G3BP2: variants seen among roughly 807,000 people sequenced by gnomAD.
The protein encoded by G3BP2 is ras GTPase-activating protein-binding protein 2.
G3BP2 carries 11 observed loss-of-function variants against 56.7 expected under a neutral mutation model. That is an observed-to-expected ratio of 0.19 (90% CI 0.12 to 0.32). The LOEUF is 0.32. Among genes scored for constraint, G3BP2 ranks in the 10% least tolerant of loss-of-function variants. The probability of loss-of-function intolerance (pLI) is 1.00; values close to 1 mark genes in which losing one functional copy is unlikely to be tolerated. For missense variants in G3BP2, 340 were observed against 610.9 expected, an observed-to-expected ratio of 0.56 and a Z score of 4.67; for synonymous variants, 165 against 191.6, an observed-to-expected ratio of 0.86 and a Z score of 1.15.
At chr4:75,650,590 TC>T (rs1731618465) in intron 8 of G3BP2, among the ~76,000 whole-genome samples, 2 of 152,210 alleles carry the variant, frequency 1.3e-5, no homozygotes, top group Non-Finnish European at 2.9e-5. Context: ...CCTATTTCCC[TC>T]AAGATGAAGT....
chr4:75,655,991 T>TAGAAA, intron 5 of G3BP2, 121 bp from the exon 6 acceptor site: 1 of 597,048 alleles, frequency 1.7e-6, no homozygotes, highest in East Asian at 2.8e-5. Context: ...CAATTTTCTT[T>TAGAAA]CCTTTTTTTT....
At position 75,648,361 on chromosome 4, in the gene G3BP2, CAAACAAAAAAAAA is replaced by C. The variant is rs1731397768; in HGVS notation, c.928+265_928+277del. On this transcript the variant is annotated intron_variant, in intron 9 of 11. Transcript: ENST00000359707. ...GACTCCGTCTCAAAAAAAAAACAAA[CAAACAAAAAAAAA>C]AAACAAAAAACCGTGACAATAACCA... Among the ~76,000 whole-genome samples, 2 of 31,572 alleles carry C rather than the reference CAAACAAAAAAAAA, an allele frequency of 6.3e-5. 1 individual carries two copies. Among genetic ancestry groups the C allele is most frequent in the Non-Finnish European group, 1.4e-4 (2 of 14,508 alleles). The allele number at this position is 31,572 out of a possible 152,430, so 20.7% of individuals were successfully genotyped here. A position where few individuals can be genotyped will look rare whatever the true frequency, so the allele number is the denominator to read the frequency against.
Position 75,702,617 on chromosome 4 carries a change from G to A in G3BP2, c.-25+18260C>T, listed in dbSNP as rs561309584. ...TTAAAGGAACAGTTTTTCTATACAGGTGCAACTATAGAAGCAAGCATTATG... is the reference window on the plus strand; with the variant it reads ...TTAAAGGAACAGTTTTTCTATACAGATGCAACTATAGAAGCAAGCATTATG... On this transcript the variant is annotated intron_variant, in intron 3 of 3. Coordinates refer to the G3BP2 transcript ENST00000499709. Among the ~76,000 whole-genome samples the A allele has an allele frequency of 2.4e-4, 36 of 152,304 alleles. No individual in the cohort carries two copies. The South Asian group carries it at 6.8e-3, about 29-fold the overall frequency.
At chr4:75,648,908 C>T (rs1177339667) in intron 8 of G3BP2, 167 bp from the exon 9 acceptor site, 1 of 518,070 alleles carries the variant, frequency 1.9e-6, no homozygotes, top group Non-Finnish European at 3.5e-6. Context: ...TCAAGATATT[C>T]TGTACCAATC....
chr4:75,690,587 A>G (rs748352788), intron 3 of G3BP2, among the ~76,000 whole-genome samples: 14 of 152,028 alleles, frequency 9.2e-5, no homozygotes, highest in Admixed American at 4.6e-4. Context: ...TGAAGTGACA[A>G]AAGTGTTCTT....
At chr4:75,674,316 C>G (rs763006045), upstream of G3BP2, among the ~76,000 whole-genome samples, 2 of 152,130 alleles carry the variant, frequency 1.3e-5, no homozygotes, top group African/African-American at 4.8e-5. Context: ...TGAATGCTTA[C>G]GAACTAAACA....
chr4:75,665,200 G>A (rs1223840870), intron 1 of G3BP2, among the ~76,000 whole-genome samples: 2 of 152,038 alleles, frequency 1.3e-5, no homozygotes, highest in Non-Finnish European at 2.9e-5. Flanking sequence ...ATGTTTTTAG[G>A]TTCCTTGTTT....
chr4:75,719,357 A>T (rs1720057496), intron 3 of G3BP2, among the ~76,000 whole-genome samples: 1 of 151,708 alleles, frequency 6.6e-6, no homozygotes, highest in African/African-American at 2.4e-5. Flanking sequence ...CAAAAAAAAA[A>T]AAAAAAAAAA....
At chr4:75,719,797 C>G (rs1453986480) in intron 3 of G3BP2, among the ~76,000 whole-genome samples, 2 of 151,922 alleles carry the variant, frequency 1.3e-5, no homozygotes, top group African/African-American at 2.4e-5. Context: ...CCATGTTGGT[C>G]AGGCTGGTCT....
Position 75,672,852 on chromosome 4 carries a change from C to CTGTA in G3BP2, c.-25+352_-25+355dup, listed in dbSNP as rs375364170. 136 of 209,516 alleles carry CTGTA rather than the reference C, an allele frequency of 6.5e-4. 2 individuals carry two copies. Among genetic ancestry groups the CTGTA allele is most frequent in the African/African-American group, 3.0e-3 (128 of 42,626 alleles). The allele number at this position is 209,516 out of a possible 1,614,324, so 13.0% of individuals were successfully genotyped here. On this transcript the variant is annotated intron_variant, in intron 1 of 11. Coordinates refer to ENST00000359707, the MANE Select transcript of G3BP2 (RefSeq NM_203505.3). ...TCCAGAAAGCCTGCTCCCACACTTC[C>CTGTA]TGTATTAAGCTTCCATCAGCGCGCC...
chr4:75,684,636 C>A (rs540799358), intron 3 of G3BP2, among the ~76,000 whole-genome samples: 12 of 152,176 alleles, frequency 7.9e-5, no homozygotes, highest in African/African-American at 2.9e-4. Flanking sequence ...GCCTCAAACT[C>A]CTCGGTTCAG....
intron 1 of G3BP2, among the ~76,000 whole-genome samples, chr4:75,664,453 G>A (rs1478216348): frequency 1.3e-5 from 2 of 151,726 alleles, no homozygotes; most frequent in African/African-American, 2.4e-5. Context: ...GCTGGCGCCT[G>A]TAGTCCCAGC....
Position 75,718,901 on chromosome 4 carries a change from G to A in G3BP2, c.-25+1976C>T, listed in dbSNP as rs180740810. Among the ~76,000 whole-genome samples, 897 of 152,240 alleles carry A rather than the reference G, an allele frequency of 5.9e-3. 15 individuals carry two copies. Among genetic ancestry groups the A allele is most frequent in the African/African-American group, 0.02 (851 of 41,540 alleles). ...GAGAAAAAAAAACAAAAACAGTTAA[G>A]GAGAGCAGAGTCCAGAAATAGTGAA... On this transcript the variant is annotated intron_variant, in intron 3 of 3. Coordinates refer to the G3BP2 transcript ENST00000499709.
At chr4:75,712,459 T>TC (rs1255046700) in intron 3 of G3BP2, among the ~76,000 whole-genome samples, 1 of 152,198 alleles carries the variant, frequency 6.6e-6, no homozygotes. Context: ...TTTCATGTTT[T>TC]TCACATTGAT....
chr4:75,654,803 T>C, intron 7 of G3BP2: 2 of 390,272 alleles, frequency 5.1e-6, no homozygotes. Context: ...TATACATGGA[T>C]CCAAATAATT....
At chr4:75,688,078 TCC>T (rs1329292762) in intron 3 of G3BP2, among the ~76,000 whole-genome samples, 1 of 152,194 alleles carries the variant, frequency 6.6e-6, no homozygotes, top group East Asian at 1.9e-4. Context: ...CTGGACTCTC[TCC>T]CCTGTATGTA....
intron 3 of G3BP2, among the ~76,000 whole-genome samples, chr4:75,684,496 G>T (rs891014152): frequency 1.2e-4 from 18 of 151,918 alleles, no homozygotes; most frequent in Admixed American, 1.0e-3. Context: ...TAAAGTAAAT[G>T]TATTTATTTA....
intron 1 of G3BP2, among the ~76,000 whole-genome samples, chr4:75,671,751 T>C (rs1052204144): frequency 2.6e-5 from 4 of 152,164 alleles, no homozygotes; most frequent in African/African-American, 9.7e-5. Flanking sequence ...TCTTAAACAT[T>C]TAAGAAAAAT....
chr4:75,662,677 T>A (rs1364477648), intron 1 of G3BP2, among the ~76,000 whole-genome samples: 1 of 152,218 alleles, frequency 6.6e-6, no homozygotes, highest in Non-Finnish European at 1.5e-5. Context: ...TCTCTCTTTC[T>A]TGATTTCCCT....
Sources: gnomAD v4.1 joint callset for allele counts (sites outside exome capture counted in the v4.1 genomes callset) on GRCh38, gnomAD v4.1.1 for gene constraint, MANE v1.5 for transcripts, NCBI Gene and HGNC (gene_info 2026-07-23, HGNC 2026-07-21) for gene names.